PLCB4: variants seen among roughly 807,000 people sequenced by gnomAD.
The protein encoded by PLCB4 is 1-phosphatidylinositol 4,5-bisphosphate phosphodiesterase beta-4.
In PLCB4, 77 loss-of-function variants were observed where a neutral mutation model predicts 178.8. That is an observed-to-expected ratio of 0.43 (90% CI 0.36 to 0.52). PLCB4 has a LOEUF of 0.52. Ranked by LOEUF, PLCB4 falls within the 20% of genes least tolerant of loss-of-function variation. PLCB4 has a pLI of 0.00. For synonymous variants in PLCB4, 496 were observed against 490.8 expected (o/e 1.01, Z -0.14); for missense variants, 1,024 against 1,453.4 (o/e 0.70, Z 4.80).
chr20:9,243,275 T>C (rs2094086983), intron 3 of PLCB4, among the ~76,000 whole-genome samples: 1 of 152,200 alleles, frequency 6.6e-6, no homozygotes, highest in Non-Finnish European at 1.5e-5. Context: ...AGTACAGCAC[T>C]GGTGGGATTA....
chr20:9,262,504 T>C (rs1178582648), intron 3 of PLCB4, among the ~76,000 whole-genome samples: 1 of 152,110 alleles, frequency 6.6e-6, no homozygotes, highest in Non-Finnish European at 1.5e-5. Flanking sequence ...GTAAGGATGA[T>C]GAGACTGGAG....
intron 3 of PLCB4, among the ~76,000 whole-genome samples, chr20:9,232,457 TG>T (rs1186263183): frequency 4.6e-5 from 7 of 152,144 alleles, no homozygotes; most frequent in Admixed American, 3.9e-4. Flanking sequence ...AATTGTCTAT[TG>T]TTGAAAACAG....
chr20:9,348,078 T>C (rs1221349809), intron 7 of PLCB4, among the ~76,000 whole-genome samples: 1 of 152,190 alleles, frequency 6.6e-6, no homozygotes, highest in African/African-American at 2.4e-5. Flanking sequence ...GACAGGACAC[T>C]TGTGTACACA....
At chr20:9,158,711 T>A (rs972539577) in intron 2 of PLCB4, among the ~76,000 whole-genome samples, 3 of 152,198 alleles carry the variant, frequency 2.0e-5, no homozygotes, top group African/African-American at 7.2e-5. Context: ...CATTTAGTGT[T>A]ATTCAATCCT....
At chr20:9,330,872 A>G (rs1180002163) in intron 4 of PLCB4, among the ~76,000 whole-genome samples, 3 of 152,180 alleles carry the variant, frequency 2.0e-5, no homozygotes, top group African/African-American at 7.2e-5. Flanking sequence ...GTGAGATAGT[A>G]TTTGTGAAAT....
At position 9,261,282 on chromosome 20, in the gene PLCB4, T is replaced by C. The variant is rs144486317; in HGVS notation, c.-16+43830T>C. ...AATGTTTACTTCTTCTCTAATCATA[T>C]ATGTGCGTGTGCATTGAAAAGATTT... On this transcript the variant is annotated intron_variant, in intron 3 of 39. Transcript: ENST00000378473. Among the ~76,000 whole-genome samples the C allele has an allele frequency of 5.6e-3, 846 of 152,248 alleles. 8 individuals carry two copies. The highest frequency in any genetic ancestry group is 0.018 in the African/African-American group (768 of 41,556).
Position 9,359,579 on chromosome 20 carries a change from T to G in PLCB4, c.370-3317T>G, listed in dbSNP as rs144919073. 1.6e-3 allele frequency among the ~76,000 whole-genome samples: 248 copies of G among 152,262 alleles called. 1 individual carries two copies. The highest frequency in any genetic ancestry group is 5.4e-3 in the African/African-American group (224 of 41,534). ...GAACATCAGAGCCGACCTCCTGTGG[T>G]CTGGTTCCCTAGCACCCAGGCTCAG... On this transcript the variant is annotated intron_variant, in intron 7 of 39. Coordinates refer to ENST00000378473, the MANE Select transcript of PLCB4 (RefSeq NM_001377142.1).
At chr20:9,366,215 C>G (rs963695444) in intron 9 of PLCB4, among the ~76,000 whole-genome samples, 3 of 151,640 alleles carry the variant, frequency 2.0e-5, no homozygotes, top group Admixed American at 2.0e-4. Context: ...AGTGAAACTC[C>G]GTCTCTACTA....
chr20:9,157,747 A>G (rs2092814892), intron 2 of PLCB4, among the ~76,000 whole-genome samples: 1 of 152,150 alleles, frequency 6.6e-6, no homozygotes, highest in Non-Finnish European at 1.5e-5. Flanking sequence ...TCATCTAGAT[A>G]TATTTACAAA....
chr20:9,335,428 T>C (rs1329475003), intron 4 of PLCB4, among the ~76,000 whole-genome samples: 2 of 152,216 alleles, frequency 1.3e-5, no homozygotes, highest in Non-Finnish European at 2.9e-5. Context: ...AAGATTCATC[T>C]AAAGTATCAA....
At chr20:9,381,847 C>T (rs2037169105) in intron 13 of PLCB4, among the ~76,000 whole-genome samples, 1 of 152,082 alleles carries the variant, frequency 6.6e-6, no homozygotes, top group South Asian at 2.1e-4. Context: ...CCTAGAGAAT[C>T]TCTCATCTAT....
At chr20:9,272,771 T>C (rs1020729066) in intron 3 of PLCB4, among the ~76,000 whole-genome samples, 4 of 152,060 alleles carry the variant, frequency 2.6e-5, no homozygotes, top group Admixed American at 6.6e-5. Context: ...AAGATGTTCT[T>C]GGGTGATATC....
In PLCB4 at chr20:9,436,960, G is replaced by A. The variant is rs2041811328; in HGVS notation, c.2614-42G>A. 3 of 1,593,538 alleles carry A rather than the reference G, an allele frequency of 1.9e-6. No individual in the cohort carries two copies. In the East Asian group the frequency reaches 6.7e-5, roughly 36 times the overall value. On this transcript the variant is annotated intron_variant, in intron 29 of 39. Transcript: ENST00000378473. ...AAGAATGTACAAGATATTTGACCTT[G>A]AGTGACATTCATTTGGGTCAATGTA...
At chr20:9,148,842 T>G (rs1435292297) in intron 2 of PLCB4, among the ~76,000 whole-genome samples, 2 of 152,188 alleles carry the variant, frequency 1.3e-5, no homozygotes, top group Non-Finnish European at 2.9e-5. Context: ...ACAGAATAAT[T>G]GAAACTTCCA....
At chr20:9,408,938 G>A (rs1367112283) in intron 23 of PLCB4, 119 bp from the exon 24 acceptor site, 4 of 881,742 alleles carry the variant, frequency 4.5e-6, no homozygotes, top group Non-Finnish European at 5.4e-6. Context: ...TGTGAAATCT[G>A]CTCTGTGCTG....
chr20:9,426,896 C>T (rs2041051023), intron 28 of PLCB4, among the ~76,000 whole-genome samples: 1 of 152,070 alleles, frequency 6.6e-6, no homozygotes. Flanking sequence ...AGTGCAACTC[C>T]TTCTGCTTCT....
chr20:9,199,576 C>T (rs192673228), intron 2 of PLCB4, among the ~76,000 whole-genome samples: 10 of 152,220 alleles, frequency 6.6e-5, no homozygotes, highest in East Asian at 3.9e-4. Flanking sequence ...GAAGGTTGTC[C>T]GGTACCACTT....
intron 2 of PLCB4, among the ~76,000 whole-genome samples, chr20:9,137,026 A>C (rs2092398196): frequency 6.6e-6 from 1 of 152,064 alleles, no homozygotes; most frequent in South Asian, 2.1e-4. Context: ...TCTTGCCAAC[A>C]TGCTGTTGGT....
chr20:9,238,670 TA>T (rs750414382), intron 3 of PLCB4, among the ~76,000 whole-genome samples: 54 of 152,350 alleles, frequency 3.5e-4, no homozygotes, highest in South Asian at 8.3e-4. Context: ...CTGAGGCTTT[TA>T]GTACAATTTT....
Sources: gnomAD v4.1 joint callset for allele counts (sites outside exome capture counted in the v4.1 genomes callset) on GRCh38, gnomAD v4.1.1 for gene constraint, MANE v1.5 for transcripts, NCBI Gene and HGNC (gene_info 2026-07-23, HGNC 2026-07-21) for gene names.